Variants in GYPC observed in about 807,000 individuals in gnomAD.
GYPC encodes the protein glycophorin-C.
GYPC carries 14 observed loss-of-function variants against 12.6 expected under a neutral mutation model. The ratio of observed to expected loss-of-function variants is 1.11; its 90% CI spans 0.74 to 1.74. The LOEUF (loss-of-function observed/expected upper bound fraction) is 1.74, where lower values mean the gene tolerates loss of function less well. Among genes scored for constraint, GYPC ranks in the 40% most tolerant of loss-of-function variants. GYPC has a pLI of 0.00. For missense variants in GYPC, 225 were observed against 172.1 expected (o/e 1.31, Z -1.72); for synonymous variants, 78 against 62.1 (o/e 1.26, Z -1.20).
intron 1 of GYPC, among the ~76,000 whole-genome samples, chr2:126,659,886 G>A (rs186460984): frequency 1.2e-3 from 178 of 150,446 alleles, no homozygotes; most frequent in Non-Finnish European, 1.5e-3. Context: ...CACCTCCTGC[G>A]TTGAAGAGAT....
chr2:126,675,625 A>G, intron 1 of GYPC: 1 of 937,582 alleles, frequency 1.1e-6, no homozygotes, highest in Non-Finnish European at 1.3e-6. Context: ...CTGCTTCAAA[A>G]CTCTAGAGAA....
chr2:126,678,534 C>T (rs1340607882), intron 1 of GYPC: 1 of 152,278 alleles, frequency 6.6e-6, no homozygotes. Flanking sequence ...AGTGGCCTTT[C>T]CTGAACCCTT....
chr2:126,690,509 A>G (rs1220495411), intron 2 of GYPC, among the ~76,000 whole-genome samples, 198 bp downstream of exon 2: 2 of 152,140 alleles, frequency 1.3e-5, no homozygotes, highest in Non-Finnish European at 2.9e-5. Context: ...TGTGGAATGG[A>G]GGAGTCTACC....
intron 1 of GYPC, among the ~76,000 whole-genome samples, chr2:126,687,744 C>T (rs2104801911): frequency 6.6e-6 from 1 of 152,348 alleles, no homozygotes; most frequent in Admixed American, 6.5e-5. Context: ...AATGGTCTCC[C>T]AATGAGGCCC....
Position 126,674,696 on chromosome 2 carries a change from G to A in GYPC, c.50-15559G>A, listed in dbSNP as rs28369986. Among the ~76,000 whole-genome samples, 1,183 of 152,240 alleles carry A rather than the reference G, an allele frequency of 7.8e-3. 3 individuals carry two copies. The highest frequency in any genetic ancestry group is 0.013 in the Non-Finnish European group (883 of 68,024). ...ATTTAAGGTATGATGTGGTGTGGTC[G>A]GGTTGGAAGCCAGATCTGCTGGTGC... On this transcript the variant is annotated intron_variant, in intron 1 of 3. Transcript: ENST00000259254.
chr2:126,690,302 A>G lies in GYPC; in HGVS notation c.97A>G (p.Thr33Ala). The change falls in exon 2 of 4, where the codon ACC (threonine) becomes GCC (alanine). Residue 33 changes from threonine to alanine, a missense_variant. By Grantham distance (58) the Thr-to-Ala change is moderately conservative. Transcript: ENST00000259254. ...ASASTTMHTT[T>A]IAEPDPGMSG... The stretch of plus-strand genomic sequence containing the variant: ...TGCCTCCACCACAATGCATACTACC[A>G]CCATTGCAGGTGAGTTCTCATCACA... The G allele has an allele frequency of 1.2e-6, 2 of 1,610,168 alleles. No individual in the cohort carries two copies. The highest frequency in any genetic ancestry group is 1.7e-6 in the Non-Finnish European group (2 of 1,176,464).
At chr2:126,684,719 G>T (rs1405013296) in intron 1 of GYPC, among the ~76,000 whole-genome samples, 2 of 152,206 alleles carry the variant, frequency 1.3e-5, no homozygotes, top group African/African-American at 4.8e-5. Context: ...GCTACAAAAG[G>T]TTTGCTGAAG....
chr2:126,696,345 C>T lies in GYPC; in HGVS notation c.*203C>T, dbSNP rs1379904882. 8.6e-6 allele frequency: 5 copies of T among 583,798 alleles called. No homozygotes were observed. Among genetic ancestry groups the T allele is most frequent in the Admixed American group, 2.6e-5 (1 of 37,764 alleles). The allele number at this position is 583,798 out of a possible 1,614,324, so 36.2% of individuals were successfully genotyped here. On this transcript the variant is annotated 3_prime_UTR_variant, in exon 4 of 4. Transcript: ENST00000259254. ...CGCTACAAGAGGCCACTCCCAGGGA[C>T]CCAGGGAGGCGATGGCCACCCCAGA...
chr2:126,664,875 C>T (rs1432662767), intron 1 of GYPC, among the ~76,000 whole-genome samples: 2 of 152,238 alleles, frequency 1.3e-5, no homozygotes, highest in East Asian at 1.9e-4. Context: ...GCAGCCTCTA[C>T]CTCTCCCTGT....
chr2:126,686,142 GA>G (rs1683283285), intron 1 of GYPC: 1 of 985,324 alleles, frequency 1.0e-6, no homozygotes, highest in South Asian at 4.7e-5. Context: ...AGTGTCATCT[GA>G]AAATGCAAGA....
At chr2:126,684,651 C>T (rs1046100135) in intron 1 of GYPC, among the ~76,000 whole-genome samples, 6 of 152,228 alleles carry the variant, frequency 3.9e-5, no homozygotes, top group Admixed American at 3.3e-4. Context: ...ACACAGCGTG[C>T]TCCTGATGGC....
chr2:126,695,894 G>A, intron 3 of GYPC, 52 bp from the exon 4 acceptor site: 1 of 1,460,874 alleles, frequency 6.8e-7, no homozygotes, highest in Non-Finnish European at 9.6e-7. Flanking sequence ...CACCATCCCA[G>A]GCCCCAGAGC....
At chr2:126,688,612 C>A (rs1283072150) in intron 1 of GYPC, among the ~76,000 whole-genome samples, 1 of 152,140 alleles carries the variant, frequency 6.6e-6, no homozygotes, top group Non-Finnish European at 1.5e-5. Flanking sequence ...TGACTCCAGA[C>A]CCAGAGTTCA....
chr2:126,657,284 G>A (rs1182206970), intron 1 of GYPC, among the ~76,000 whole-genome samples: 1 of 152,232 alleles, frequency 6.6e-6, no homozygotes, highest in Non-Finnish European at 1.5e-5. Context: ...GCCTGTGGTT[G>A]TGCTTGCGTC....
chr2:126,674,774 C>T (rs901006113), intron 1 of GYPC, among the ~76,000 whole-genome samples: 1 of 152,174 alleles, frequency 6.6e-6, no homozygotes, highest in African/African-American at 2.4e-5. Context: ...GAGGGGTTCA[C>T]CCCTCCGAAT....
chr2:126,673,276 T>C (rs956534973), intron 1 of GYPC, among the ~76,000 whole-genome samples: 22 of 152,178 alleles, frequency 1.4e-4, no homozygotes, highest in African/African-American at 4.3e-4. Flanking sequence ...CATCTTCACC[T>C]AACATCTTGG....
rs1047995963 is a variant in GYPC, at chr2:126,686,756, A to G, written c.50-3499A>G. On this transcript the variant is annotated intron_variant, in intron 1 of 3. Coordinates refer to ENST00000259254, the MANE Select transcript of GYPC (RefSeq NM_002101.5). ...AAAATAGGTCCTCTCATGTCTGTCC[A>G]ATCGTTGTGCTGGGTAATTGTCTAT... 6 of 915,342 alleles carry G rather than the reference A, an allele frequency of 6.6e-6. No individual in the cohort carries two copies. The East Asian group carries it at 5.9e-4, about 90-fold the overall frequency. The allele number at this position is 915,342 out of a possible 1,614,324, so 56.7% of individuals were successfully genotyped here.
chr2:126,691,418 T>C (rs979727438), intron 2 of GYPC, among the ~76,000 whole-genome samples: 2 of 152,166 alleles, frequency 1.3e-5, no homozygotes, highest in East Asian at 1.9e-4. Context: ...ACCTTGGCAT[T>C]CTCTGCGTTA....
At chr2:126,659,063 G>T (rs534590605) in intron 1 of GYPC, among the ~76,000 whole-genome samples, 3 of 152,176 alleles carry the variant, frequency 2.0e-5, no homozygotes, top group Non-Finnish European at 4.4e-5. Flanking sequence ...GGTCACACCG[G>T]TTTCTCATGC....
Sources: gnomAD v4.1 joint callset for allele counts (sites outside exome capture counted in the v4.1 genomes callset) on GRCh38, gnomAD v4.1.1 for gene constraint, MANE v1.5 for transcripts, NCBI Gene and HGNC (gene_info 2026-07-23, HGNC 2026-07-21) for gene names.